Variants in OPCML observed in about 807,000 individuals in gnomAD.
The protein encoded by OPCML is opioid-binding protein/cell adhesion molecule.
OPCML carries 13 observed loss-of-function variants against 37.8 expected under a neutral mutation model. The observed-to-expected ratio is 0.34, with a 90% CI of 0.22 to 0.55. The LOEUF is 0.55. OPCML is among the 20% of genes least tolerant of loss of function. OPCML has a pLI of 0.91. For synonymous variants in OPCML, 176 were observed against 168.8 expected (o/e 1.04, Z -0.33); for missense variants, 341 against 435.6 (o/e 0.78, Z 1.93).
chr11:133,474,377 TG>T (rs1016028775), intron 1 of OPCML, among the ~76,000 whole-genome samples: 2 of 152,334 alleles, frequency 1.3e-5, no homozygotes, highest in African/African-American at 2.4e-5. Context: ...ACTTCTAAAG[TG>T]AACAACTAGA....
chr11:132,521,114 C>T (rs1266129835), intron 4 of OPCML, among the ~76,000 whole-genome samples: 2 of 152,096 alleles, frequency 1.3e-5, no homozygotes, highest in African/African-American at 2.4e-5. Flanking sequence ...TTTTGATTTG[C>T]ATTTCTCTAG....
chr11:133,068,880 G>A (rs1180280924), intron 1 of OPCML, among the ~76,000 whole-genome samples: 2 of 152,196 alleles, frequency 1.3e-5, no homozygotes, highest in Admixed American at 1.3e-4. Context: ...ACATACCAAA[G>A]AGGTAGGTGG....
At chr11:133,408,162 T>C (rs1945563647) in intron 1 of OPCML, among the ~76,000 whole-genome samples, 1 of 151,434 alleles carries the variant, frequency 6.6e-6, no homozygotes, top group African/African-American at 2.4e-5. Context: ...AAAAAAAAAA[T>C]CACCAAACTT....
At chr11:133,135,263 G>A (rs758066511) in intron 1 of OPCML, among the ~76,000 whole-genome samples, 13 of 152,082 alleles carry the variant, frequency 8.5e-5, no homozygotes, top group Non-Finnish European at 1.8e-4. Flanking sequence ...TGTTACTGAG[G>A]AATTTAAGAC....
In OPCML at chr11:132,521,941, A is replaced by G. The variant is rs188022994; in HGVS notation, c.505+7120T>C. Among the ~76,000 whole-genome samples the G allele has an allele frequency of 3.4e-3, 521 of 152,312 alleles. 2 individuals are homozygous for G. Among genetic ancestry groups the G allele is most frequent in the African/African-American group, 0.012 (490 of 41,562 alleles). ...ATAGGTACCATAACAATCAAGATAC[A>G]GTACAGCTCCATCAACCCAAGGCAA... On this transcript the variant is annotated intron_variant, in intron 4 of 7. Transcript: ENST00000524381.
intron 1 of OPCML, among the ~76,000 whole-genome samples, chr11:133,056,158 G>A (rs1276677281): frequency 6.6e-6 from 1 of 152,212 alleles, no homozygotes; most frequent in Non-Finnish European, 1.5e-5. Flanking sequence ...AGATGGAGGG[G>A]GACAGAGAAT....
chr11:133,348,617 A>T (rs934700606), intron 1 of OPCML, among the ~76,000 whole-genome samples: 5 of 152,206 alleles, frequency 3.3e-5, no homozygotes, highest in African/African-American at 1.2e-4. Flanking sequence ...CAAAGCTCTG[A>T]GACTTCGTGG....
chr11:132,659,486 C>T (rs1027501924), intron 2 of OPCML, among the ~76,000 whole-genome samples: 1 of 152,108 alleles, frequency 6.6e-6, no homozygotes, highest in Admixed American at 6.5e-5. Flanking sequence ...GAGTGAAGGG[C>T]GTGATGTTCC....
At position 132,961,478 on chromosome 11, in the gene OPCML, G is replaced by A. The variant is rs540490834; in HGVS notation, c.62-18468C>T. On this transcript the variant is annotated intron_variant, in intron 1 of 7. Coordinates refer to ENST00000524381, the MANE Select transcript of OPCML (RefSeq NM_001012393.5). The stretch of plus-strand genomic sequence containing the variant: ...GATGATGGACACATTTAAGGTGGAA[G>A]AGTCAAGCGATGCTATTCGTAGATG... Among the ~76,000 whole-genome samples the A allele has an allele frequency of 7.0e-4, 106 of 152,314 alleles. No individual in the cohort carries two copies. The South Asian group carries it at 0.014, about 21-fold the overall frequency.
At chr11:132,861,704 G>A (rs776007529) in intron 2 of OPCML, among the ~76,000 whole-genome samples, 14 of 151,982 alleles carry the variant, frequency 9.2e-5, no homozygotes, top group African/African-American at 2.2e-4. Flanking sequence ...GCGTGGTGGC[G>A]TGCACCTGTA....
intron 1 of OPCML, among the ~76,000 whole-genome samples, chr11:132,960,226 T>C (rs1196494595): frequency 1.3e-5 from 2 of 152,226 alleles, no homozygotes; most frequent in Admixed American, 1.3e-4. Flanking sequence ...ACCGTAACTT[T>C]ACGTGTAGAA....
At chr11:132,946,226 C>T (rs1005989550) in intron 1 of OPCML, among the ~76,000 whole-genome samples, 5 of 152,286 alleles carry the variant, frequency 3.3e-5, no homozygotes, top group South Asian at 4.1e-4. Context: ...ATAACATGCA[C>T]GGAGCTGTCA....
chr11:133,388,438 T>G (rs1945103130), intron 1 of OPCML, among the ~76,000 whole-genome samples: 1 of 152,176 alleles, frequency 6.6e-6, no homozygotes, highest in Non-Finnish European at 1.5e-5. Context: ...CCTATGGCAA[T>G]CTACAAGAGC....
intron 1 of OPCML, among the ~76,000 whole-genome samples, chr11:133,309,912 C>T (rs528502325): frequency 6.6e-6 from 1 of 152,290 alleles, no homozygotes; most frequent in East Asian, 1.9e-4. Context: ...GCAATGAGGA[C>T]TTCATTCTGG....
chr11:132,852,425 G>A (rs1400302118), intron 2 of OPCML, among the ~76,000 whole-genome samples: 1 of 152,126 alleles, frequency 6.6e-6, no homozygotes, highest in East Asian at 1.9e-4. Context: ...AGATTTTTCA[G>A]AAGGTAACTG....
At chr11:132,934,911 G>A (rs6590667) in intron 2 of OPCML, among the ~76,000 whole-genome samples, 4 of 152,032 alleles carry the variant, frequency 2.6e-5, no homozygotes, top group Non-Finnish European at 4.4e-5. Flanking sequence ...AGGCCGGGAT[G>A]GGGGGAACAC....
chr11:132,751,249 C>T (rs1000946974), intron 2 of OPCML, among the ~76,000 whole-genome samples: 3 of 152,124 alleles, frequency 2.0e-5, no homozygotes, highest in South Asian at 4.1e-4. Context: ...TTTTGGTTTA[C>T]TCCTTTCCTG....
intron 4 of OPCML, among the ~76,000 whole-genome samples, chr11:132,484,546 G>A (rs1316635001): frequency 2.0e-5 from 3 of 152,174 alleles, no homozygotes; most frequent in African/African-American, 7.2e-5. Flanking sequence ...AATACCATTT[G>A]ACCCAGCCAT....
At chr11:133,225,055 G>T (rs915680076) in intron 1 of OPCML, among the ~76,000 whole-genome samples, 1 of 152,220 alleles carries the variant, frequency 6.6e-6, no homozygotes, top group African/African-American at 2.4e-5. Flanking sequence ...GTACTTGGGG[G>T]ACATGAAGTG....
Sources: gnomAD v4.1 joint callset for allele counts (sites outside exome capture counted in the v4.1 genomes callset) on GRCh38, gnomAD v4.1.1 for gene constraint, MANE v1.5 for transcripts, NCBI Gene and HGNC (gene_info 2026-07-23, HGNC 2026-07-21) for gene names.